Variants in MRPL1 observed in about 807,000 individuals in gnomAD.
The protein encoded by MRPL1 is large ribosomal subunit protein uL1m.
Under a neutral mutation model 38.0 loss-of-function variants are expected in MRPL1, and 28 were observed. The observed-to-expected ratio is 0.74, with a 90% CI of 0.55 to 1.01. MRPL1 has a LOEUF of 1.01. Ranked by LOEUF, MRPL1 falls within the 50% of genes least tolerant of loss-of-function variation. The pLI is 0.00. For missense variants in MRPL1, 358 were observed against 389.8 expected, an observed-to-expected ratio of 0.92 and a Z score of 0.69; for synonymous variants, 123 against 126.7, an observed-to-expected ratio of 0.97 and a Z score of 0.20.
At chr4:77,874,260 A>AATCC (rs1452019356) in intron 2 of MRPL1, among the ~76,000 whole-genome samples, 2 of 152,154 alleles carry the variant, frequency 1.3e-5, no homozygotes, top group South Asian at 2.1e-4. Context: ...TGCTGGGATT[A>AATCC]CAGGTGTGAG....
intron 6 of MRPL1, among the ~76,000 whole-genome samples, chr4:77,895,454 G>A (rs1424385052): frequency 6.6e-6 from 1 of 152,012 alleles, no homozygotes; most frequent in African/African-American, 2.4e-5. Context: ...GAAACAGGGA[G>A]TACAATTGGG....
chr4:77,950,068 T>A (rs1737371449), intron 8 of MRPL1, among the ~76,000 whole-genome samples, 190 bp downstream of exon 8: 1 of 152,244 alleles, frequency 6.6e-6, no homozygotes, highest in Admixed American at 6.5e-5. Context: ...CTCCAAAGGA[T>A]TTCTCTAGCA....
chr4:77,863,485 G>GA (rs1735053431), intron 1 of MRPL1, among the ~76,000 whole-genome samples: 1 of 81,416 alleles, frequency 1.2e-5, no homozygotes, highest in African/African-American at 7.0e-5. Context: ...TTTTTTTTGA[G>GA]ACGGCAGTCT....
intron 4 of MRPL1, 133 bp from the exon 5 acceptor site, chr4:77,887,087 C>T (rs1425291044): frequency 1.3e-6 from 1 of 760,620 alleles, no homozygotes; most frequent in East Asian, 2.8e-5. Flanking sequence ...CTGCATCCAG[C>T]CACATTTTCA....
chr4:77,930,550 G>A (rs763181623), intron 7 of MRPL1, among the ~76,000 whole-genome samples: 3 of 152,148 alleles, frequency 2.0e-5, no homozygotes, highest in Non-Finnish European at 2.9e-5. Flanking sequence ...CTAGTGCCGG[G>A]GAGCCACTGC....
At chr4:77,918,102 G>A (rs2110252324) in intron 7 of MRPL1, among the ~76,000 whole-genome samples, 1 of 151,146 alleles carries the variant, frequency 6.6e-6, no homozygotes, top group East Asian at 1.9e-4. Context: ...TGATATAGAA[G>A]TTACAGAAAA....
intron 5 of MRPL1, among the ~76,000 whole-genome samples, chr4:77,888,520 AAAAT>A (rs749883417): frequency 6.6e-6 from 1 of 152,226 alleles, no homozygotes; most frequent in East Asian, 1.9e-4. Context: ...ATAAATAAAT[AAAAT>A]AAATAAACAA....
intron 6 of MRPL1, among the ~76,000 whole-genome samples, chr4:77,897,935 T>C (rs1002583357): frequency 2.0e-5 from 3 of 152,206 alleles, no homozygotes; most frequent in African/African-American, 7.2e-5. Context: ...ACTGTTACAA[T>C]TGTTGTAGAT....
chr4:77,912,643 A>G (rs1191676945), intron 7 of MRPL1, among the ~76,000 whole-genome samples: 4 of 152,188 alleles, frequency 2.6e-5, no homozygotes, highest in African/African-American at 4.8e-5. Flanking sequence ...AAGGTAATCT[A>G]TAGATTCATA....
chr4:77,942,394 T>C (rs1302850501), intron 7 of MRPL1, among the ~76,000 whole-genome samples: 2 of 152,180 alleles, frequency 1.3e-5, no homozygotes, highest in African/African-American at 4.8e-5. Flanking sequence ...ATCTAGGGTA[T>C]ATTTTAAATC....
chr4:77,886,856 G>C (rs1178061618), intron 4 of MRPL1, among the ~76,000 whole-genome samples: 3 of 140,512 alleles, frequency 2.1e-5, no homozygotes, highest in Non-Finnish European at 4.5e-5. Flanking sequence ...GCAGTGGTGT[G>C]ATCTCAGCTT....
At chr4:77,906,108 C>T (rs1220784531) in intron 6 of MRPL1, among the ~76,000 whole-genome samples, 2 of 152,114 alleles carry the variant, frequency 1.3e-5, no homozygotes, top group African/African-American at 2.4e-5. Flanking sequence ...ATGACTGATC[C>T]CTGAGGTAGT....
At chr4:77,903,684 T>C (rs1417801674) in intron 6 of MRPL1, among the ~76,000 whole-genome samples, 2 of 152,160 alleles carry the variant, frequency 1.3e-5, no homozygotes, top group Admixed American at 1.3e-4. Context: ...GTTCCATTTA[T>C]GTGAGCATAA....
intron 7 of MRPL1, among the ~76,000 whole-genome samples, chr4:77,930,006 G>A (rs935410438): frequency 2.0e-5 from 3 of 152,182 alleles, no homozygotes; most frequent in Non-Finnish European, 4.4e-5. Flanking sequence ...AGCTACTTGA[G>A]GATTCTGAAA....
chr4:77,885,295 T>A lies in MRPL1; in HGVS notation c.442T>A (p.Tyr148Asn), dbSNP rs759094911. The A allele has an allele frequency of 9.3e-6, 15 of 1,614,024 alleles. No individual in the cohort carries two copies. The South Asian group carries it at 1.5e-4, about 17-fold the overall frequency. The change falls in exon 4 of 9, where the codon TAC becomes AAC. Residue 148 changes from tyrosine to asparagine, a missense_variant. Transcript: ENST00000315567. The part of the protein sequence containing the change: ...EPFTSVLSLP[Y>N]PFASEINKVA... ...ATTTACCAGTGTTCTTAGTTTGCCA[T>A]ACCCATTTGCTTCCGAAATCAATAA...
chr4:77,949,208 A>C (rs1489721753), intron 7 of MRPL1, among the ~76,000 whole-genome samples: 1 of 152,216 alleles, frequency 6.6e-6, no homozygotes, highest in Non-Finnish European at 1.5e-5. Flanking sequence ...AAGACTTTTC[A>C]AGGGTGTAAT....
chr4:77,911,729 C>T (rs1319297729), intron 7 of MRPL1, among the ~76,000 whole-genome samples: 2 of 152,074 alleles, frequency 1.3e-5, no homozygotes, highest in Admixed American at 1.3e-4. Context: ...GGGGGAGTAA[C>T]AGGGACCTAA....
intron 7 of MRPL1, among the ~76,000 whole-genome samples, chr4:77,938,598 G>C (rs908982381): frequency 1.3e-5 from 2 of 152,198 alleles, no homozygotes; most frequent in Middle Eastern, 6.8e-3. Context: ...TTGTCTTATT[G>C]AATCAGGATT....
At chr4:77,941,251 G>A (rs1457071635) in intron 7 of MRPL1, among the ~76,000 whole-genome samples, 1 of 148,710 alleles carries the variant, frequency 6.7e-6, no homozygotes, top group African/African-American at 2.5e-5. Flanking sequence ...GGTAAAAAGA[G>A]CAAAACTCTG....
Sources: allele counts gnomAD v4.1 joint callset (sites outside exome capture counted in the v4.1 genomes callset), GRCh38; gene constraint gnomAD v4.1.1; transcripts MANE v1.5; gene names NCBI Gene and HGNC (gene_info 2026-07-23, HGNC 2026-07-21).